TAFA4: variants seen among roughly 807,000 people sequenced by gnomAD.
TAFA4 encodes the protein TAFA chemokine like family member 4, also known as chemokine-like protein TAFA-4.
Under a neutral mutation model 21.1 loss-of-function variants are expected in TAFA4, and 20 were observed. That is an observed-to-expected ratio of 0.95 (90% CI 0.67 to 1.38). The LOEUF (loss-of-function observed/expected upper bound fraction) is 1.38, where lower values mean the gene tolerates loss of function less well. TAFA4 is among the 40% of genes most tolerant of loss of function. The pLI is 0.00. For synonymous variants in TAFA4, 71 were observed against 67.4 expected, an observed-to-expected ratio of 1.05 and a Z score of -0.26; for missense variants, 211 against 180.9, an observed-to-expected ratio of 1.17 and a Z score of -0.95.
intron 3 of TAFA4, among the ~76,000 whole-genome samples, chr3:68,755,711 C>G (rs1193004145): frequency 1.3e-5 from 2 of 152,172 alleles, no homozygotes; most frequent in Non-Finnish European, 2.9e-5. Flanking sequence ...CATGAGCAGC[C>G]CTACAGCCAG....
At position 68,931,658 on chromosome 3, in the gene TAFA4, C is replaced by T. The variant is rs377641624; in HGVS notation, c.-123+582G>A. ...CGCGGAAAGAGACGCAACTTCCAGACCCGCTCCAGTTCTCCACTTGGGCGG... is the reference window on the plus strand; with the variant it reads ...CGCGGAAAGAGACGCAACTTCCAGATCCGCTCCAGTTCTCCACTTGGGCGG... On this transcript the variant is annotated intron_variant, in intron 1 of 5. Transcript: ENST00000295569. Among the ~76,000 whole-genome samples, 9 of 152,226 alleles carry T rather than the reference C, an allele frequency of 5.9e-5. No individual in the cohort carries two copies. In the East Asian group the frequency reaches 9.7e-4, roughly 16 times the overall value.
intron 1 of TAFA4, among the ~76,000 whole-genome samples, chr3:68,915,062 G>GT (rs2089991617): frequency 1.3e-5 from 2 of 152,226 alleles, no homozygotes; most frequent in Admixed American, 1.3e-4. Flanking sequence ...TATAGAAAAA[G>GT]TTTGTCAATC....
chr3:68,897,675 A>G (rs192408645), intron 1 of TAFA4, among the ~76,000 whole-genome samples: 3 of 152,260 alleles, frequency 2.0e-5, no homozygotes, highest in Admixed American at 2.0e-4. Context: ...TTCAATGATT[A>G]TTCTTAAAGT....
chr3:68,770,722 A>G (rs147877995), intron 3 of TAFA4, among the ~76,000 whole-genome samples: 1,760 of 152,286 alleles, frequency 0.012, 30 homozygotes, highest in Middle Eastern at 0.02. Flanking sequence ...CTTTATAAAG[A>G]AAATATTTTT....
At chr3:68,789,191 A>G (rs1306018161) in intron 3 of TAFA4, among the ~76,000 whole-genome samples, 7 of 151,322 alleles carry the variant, frequency 4.6e-5, no homozygotes, top group African/African-American at 1.7e-4. Flanking sequence ...GGATCGCGCC[A>G]CTGCACTCCA....
chr3:68,893,402 C>T (rs553352993), intron 1 of TAFA4, among the ~76,000 whole-genome samples: 1 of 152,156 alleles, frequency 6.6e-6, no homozygotes, highest in Non-Finnish European at 1.5e-5. Flanking sequence ...TATTTCTCTT[C>T]TACCCCAGCT....
chr3:68,814,904 C>T (rs1173590410), intron 3 of TAFA4, among the ~76,000 whole-genome samples: 1 of 152,186 alleles, frequency 6.6e-6, no homozygotes, highest in Non-Finnish European at 1.5e-5. Flanking sequence ...CACTACCTGA[C>T]TTCAAACTAT....
chr3:68,780,778 C>T (rs1048518985), intron 3 of TAFA4, among the ~76,000 whole-genome samples: 6 of 151,810 alleles, frequency 4.0e-5, no homozygotes, highest in South Asian at 2.1e-4. Context: ...ATTGATAAAA[C>T]AAGTAAACAA....
chr3:68,777,689 C>A (rs1703073733), intron 3 of TAFA4, among the ~76,000 whole-genome samples: 1 of 151,990 alleles, frequency 6.6e-6, no homozygotes, highest in South Asian at 2.1e-4. Flanking sequence ...AAGTAGAGAA[C>A]AAATAGTAAT....
intron 3 of TAFA4, among the ~76,000 whole-genome samples, chr3:68,758,887 T>A (rs528139526): frequency 1.3e-5 from 2 of 152,156 alleles, no homozygotes; most frequent in African/African-American, 4.8e-5. Flanking sequence ...GATGTATACA[T>A]GGAGAAAAAG....
At chr3:68,765,961 C>A (rs1702846272) in intron 3 of TAFA4, among the ~76,000 whole-genome samples, 1 of 152,060 alleles carries the variant, frequency 6.6e-6, no homozygotes, top group African/African-American at 2.4e-5. Context: ...GTCACCATTC[C>A]CATCCATATT....
chr3:68,899,711 A>G (rs1195847768), intron 1 of TAFA4, among the ~76,000 whole-genome samples: 1 of 152,124 alleles, frequency 6.6e-6, no homozygotes, highest in Non-Finnish European at 1.5e-5. Context: ...CATAACTCCA[A>G]CACACAAGAG....
rs1430190420 is a variant in TAFA4, at chr3:68,752,908, C to T, written c.241G>A (p.Gly81Arg). 10 of 1,613,940 alleles carry T rather than the reference C, an allele frequency of 6.2e-6. No individual in the cohort carries two copies. The highest frequency in any genetic ancestry group is 8.5e-6 in the Non-Finnish European group (10 of 1,180,016). The part of the protein sequence containing the change: ...SQTVKCSCFP[G>R]QVAGTTRAQP... ...GCCCGAGTTGTGCCCGCCACCTGTC[C>T]CGGGAAGCAAGAGCACTTGACCGTT... The change falls in exon 4 of 6, where the codon GGA (glycine) becomes AGA (arginine). Residue 81 changes from glycine to arginine, a missense_variant. Gly to Arg is a moderately radical substitution (Grantham distance 125). Coordinates refer to ENST00000295569, the MANE Select transcript of TAFA4 (RefSeq NM_182522.5).
chr3:68,744,085 A>G (rs1044032062), intron 4 of TAFA4, among the ~76,000 whole-genome samples: 2 of 152,242 alleles, frequency 1.3e-5, no homozygotes, highest in Non-Finnish European at 2.9e-5. Context: ...TGAATTTAAA[A>G]TACTTTGTCT....
At chr3:68,786,487 C>T (rs7633798) in intron 3 of TAFA4, among the ~76,000 whole-genome samples, 23,285 of 152,070 alleles carry the variant, frequency 0.15, 2,671 homozygotes, top group East Asian at 0.3. Context: ...TGAGACTCCA[C>T]CCCTTCAAAG....
chr3:68,878,822 C>T (rs1279670350), intron 3 of TAFA4, among the ~76,000 whole-genome samples: 1 of 152,110 alleles, frequency 6.6e-6, no homozygotes, highest in Non-Finnish European at 1.5e-5. Context: ...CATTTGTCTT[C>T]AAGAAAGAGT....
At chr3:68,792,410 T>C (rs2106814965) in intron 3 of TAFA4, among the ~76,000 whole-genome samples, 1 of 152,290 alleles carries the variant, frequency 6.6e-6, no homozygotes, top group South Asian at 2.1e-4. Context: ...AGGGACATAC[T>C]ATGATTTCAT....
intron 1 of TAFA4, among the ~76,000 whole-genome samples, chr3:68,932,007 A>G (rs1198440030): frequency 6.6e-6 from 1 of 151,992 alleles, no homozygotes; most frequent in Non-Finnish European, 1.5e-5. Flanking sequence ...CTCTCCAGCC[A>G]CACATCCTTA....
intron 5 of TAFA4, 62 bp from the exon 6 acceptor site, chr3:68,733,215 GC>G: frequency 6.3e-7 from 1 of 1,583,162 alleles, no homozygotes; most frequent in Non-Finnish European, 8.6e-7. Context: ...AACCATTCCT[GC>G]CCCCGAGACC....
Sources: gnomAD v4.1 joint callset for allele counts (sites outside exome capture counted in the v4.1 genomes callset) on GRCh38, gnomAD v4.1.1 for gene constraint, MANE v1.5 for transcripts, NCBI Gene and HGNC (gene_info 2026-07-23, HGNC 2026-07-21) for gene names.